The following WDR49 variants were observed in gnomAD, a reference collection of about 807,000 sequenced individuals.
The protein encoded by WDR49 is cilia- and flagella-associated protein 337.
A neutral mutation model predicts 119.5 loss-of-function variants in WDR49; 107 were observed. The ratio of observed to expected loss-of-function variants is 0.90; its 90% CI spans 0.77 to 1.05. The LOEUF is 1.05. WDR49 is among the 50% of genes least tolerant of loss of function. The probability of loss-of-function intolerance (pLI) is 0.00; values close to 1 mark genes in which losing one functional copy is unlikely to be tolerated. For missense variants in WDR49, 1,240 were observed against 1,220.5 expected (o/e 1.02, Z -0.24); for synonymous variants, 425 against 418.8 (o/e 1.01, Z -0.18).
chr3:167,562,960 C>T (rs1157939353), intron 8 of WDR49, among the ~76,000 whole-genome samples: 1 of 152,196 alleles, frequency 6.6e-6, no homozygotes, highest in African/African-American at 2.4e-5. Context: ...GCTTCATTTG[C>T]CTGACCTCTT....
In WDR49 at chr3:167,653,428, T is replaced by C; in HGVS notation, c.-3A>G. 2.0e-6 allele frequency: 3 copies of C among 1,501,290 alleles called. No homozygotes were observed. The highest frequency in any genetic ancestry group is 1.3e-5 in the South Asian group (1 of 78,362). The allele number at this position is 1,501,290 out of a possible 1,614,324, so 93.0% of individuals were successfully genotyped here. A position where few individuals can be genotyped will look rare whatever the true frequency, so the allele number is the denominator to read the frequency against. On this transcript the variant is annotated 5_prime_UTR_variant, in exon 2 of 19. Transcript: ENST00000682715. ...AGTACAGCTTTCTGGCAACTCATAATGGCTTCACCTTTTCTCAGTTGCCTT... is the reference window on the plus strand; with the variant it reads ...AGTACAGCTTTCTGGCAACTCATAACGGCTTCACCTTTTCTCAGTTGCCTT...
At chr3:167,622,041 G>A (rs1716897627) in intron 3 of WDR49, among the ~76,000 whole-genome samples, 1 of 152,050 alleles carries the variant, frequency 6.6e-6, no homozygotes, top group South Asian at 2.1e-4. Flanking sequence ...ATTTGATACA[G>A]ACTCTATAAG....
chr3:167,574,866 T>G (rs1714148252), intron 8 of WDR49, among the ~76,000 whole-genome samples: 1 of 152,220 alleles, frequency 6.6e-6, no homozygotes. Context: ...TTCATAAAGA[T>G]CAGTAAAACA....
chr3:167,488,600 A>G (rs1386158631), intron 18 of WDR49, among the ~76,000 whole-genome samples: 2 of 152,128 alleles, frequency 1.3e-5, no homozygotes, highest in Non-Finnish European at 2.9e-5. Flanking sequence ...ATATGATCAC[A>G]AGCTTAGGAA....
intron 16 of WDR49, among the ~76,000 whole-genome samples, chr3:167,519,977 T>C (rs1678787140): frequency 6.6e-6 from 1 of 152,056 alleles, no homozygotes; most frequent in Non-Finnish European, 1.5e-5. Flanking sequence ...CTCACGTCTG[T>C]AATCCCAGCA....
At chr3:167,608,308 C>T (rs1211945342) in intron 5 of WDR49, among the ~76,000 whole-genome samples, 2 of 152,154 alleles carry the variant, frequency 1.3e-5, no homozygotes, top group Non-Finnish European at 2.9e-5. Flanking sequence ...AATATAATTA[C>T]AATACAATCA....
intron 16 of WDR49, among the ~76,000 whole-genome samples, chr3:167,518,747 C>T (rs537638143): frequency 2.9e-4 from 43 of 150,528 alleles, no homozygotes; most frequent in African/African-American, 9.7e-4. Context: ...AATTAGATCC[C>T]ATTTGTCAAC....
intron 8 of WDR49, among the ~76,000 whole-genome samples, chr3:167,565,985 A>G (rs1394185525): frequency 2.6e-5 from 4 of 152,202 alleles, no homozygotes; most frequent in Non-Finnish European, 5.9e-5. Flanking sequence ...ATAGATAAGA[A>G]AGCTGAAACT....
chr3:167,595,240 T>C (rs1282908119), intron 7 of WDR49, among the ~76,000 whole-genome samples: 1 of 152,118 alleles, frequency 6.6e-6, no homozygotes, highest in Non-Finnish European at 1.5e-5. Context: ...AATGGAAGAA[T>C]ATTCCACGCT....
At chr3:167,485,661 C>T (rs1750891812) in intron 18 of WDR49, among the ~76,000 whole-genome samples, 1 of 151,964 alleles carries the variant, frequency 6.6e-6, no homozygotes, top group Non-Finnish European at 1.5e-5. Flanking sequence ...TGAGGAAAAA[C>T]CTCAGCACTC....
At chr3:167,526,394 G>T (rs971429980) in intron 15 of WDR49, among the ~76,000 whole-genome samples, 1 of 152,116 alleles carries the variant, frequency 6.6e-6, no homozygotes, top group East Asian at 1.9e-4. Context: ...TCACCCACTT[G>T]ATGACGTTTC....
chr3:167,550,065 G>A (rs1712459540), intron 10 of WDR49, among the ~76,000 whole-genome samples: 1 of 151,458 alleles, frequency 6.6e-6, no homozygotes, highest in Non-Finnish European at 1.5e-5. Flanking sequence ...CTCTGTTTTG[G>A]TACCAGTACC....
chr3:167,479,850 T>G lies in WDR49; in HGVS notation c.3032-854A>C, dbSNP rs1018835956. Among the ~76,000 whole-genome samples the G allele has an allele frequency of 9.2e-5, 14 of 152,116 alleles. 1 individual carries two copies. Among genetic ancestry groups the G allele is most frequent in the African/African-American group, 2.2e-4 (9 of 41,420 alleles). ...AGGTCTTGAATTCCAGATAGGACTT[T>G]AATTGAGAATAAGAAACATGGAGGT... is the stretch of plus-strand genomic sequence containing the variant. On this transcript the variant is annotated intron_variant, in intron 18 of 18. Transcript: ENST00000682715.
chr3:167,533,768 G>A (rs1036710307), intron 11 of WDR49, among the ~76,000 whole-genome samples: 11 of 152,150 alleles, frequency 7.2e-5, no homozygotes, highest in African/African-American at 2.4e-4. Flanking sequence ...AAGCAGCAAC[G>A]CCCAGACCAT....
chr3:167,596,572 G>T lies in WDR49; in HGVS notation c.1275+5555C>A, dbSNP rs1294246256. On this transcript the variant is annotated intron_variant, in intron 7 of 18. Transcript: ENST00000682715. ...ATGATGAGTTCATGTCCTTTGTAGG[G>T]ACATGGATGAAATTGGAAATCATCA... Among the ~76,000 whole-genome samples, 6 of 149,570 alleles carry T rather than the reference G, an allele frequency of 4.0e-5. No homozygotes were observed. In the East Asian group the frequency reaches 9.9e-4, roughly 25 times the overall value.
chr3:167,490,794 A>G (rs1751105020), intron 18 of WDR49, among the ~76,000 whole-genome samples: 1 of 152,060 alleles, frequency 6.6e-6, no homozygotes, highest in Non-Finnish European at 1.5e-5. Flanking sequence ...ACTGACGGAT[A>G]TGCAAACTTT....
intron 12 of WDR49, among the ~76,000 whole-genome samples, chr3:167,532,547 G>T (rs1752887620): frequency 6.6e-6 from 1 of 151,890 alleles, no homozygotes; most frequent in Non-Finnish European, 1.5e-5. Context: ...TTACCAAAGG[G>T]TATCTAACGT....
rs193099749 is a variant in WDR49, at chr3:167,554,013, T to C, written c.1823+637A>G. The stretch of plus-strand genomic sequence containing the variant: ...GTTGGACGACTACCTATTAGAGCAA[T>C]ATTTTGTAAACTGATGAATTAATGG... On this transcript the variant is annotated intron_variant, in intron 10 of 18. Transcript: ENST00000682715. Among the ~76,000 whole-genome samples, 183 of 152,188 alleles carry C rather than the reference T, an allele frequency of 1.2e-3. 1 individual carries two copies. The highest frequency in any genetic ancestry group is 1.8e-3 in the Non-Finnish European group (119 of 67,978).
chr3:167,543,372 A>G (rs1347422663), intron 10 of WDR49, among the ~76,000 whole-genome samples: 1 of 152,102 alleles, frequency 6.6e-6, no homozygotes, highest in Admixed American at 6.6e-5. Flanking sequence ...CCTGTTGAAC[A>G]TAGATGAGAA....
Sources: allele counts gnomAD v4.1 joint callset (sites outside exome capture counted in the v4.1 genomes callset), GRCh38; gene constraint gnomAD v4.1.1; transcripts MANE v1.5; gene names NCBI Gene and HGNC (gene_info 2026-07-23, HGNC 2026-07-21).